ARNT2: variants seen among roughly 807,000 people sequenced by gnomAD.
ARNT2 encodes ARNT protein 2.
In ARNT2, 36 loss-of-function variants were observed where a neutral mutation model predicts 91.7. That is an observed-to-expected ratio of 0.39 (90% CI 0.30 to 0.52). The LOEUF is 0.52. ARNT2 is among the 20% of genes least tolerant of loss of function. ARNT2 has a pLI of 0.72. For missense variants in ARNT2, 775 were observed against 939.3 expected, an observed-to-expected ratio of 0.83 and a Z score of 2.29; for synonymous variants, 365 against 347.1, an observed-to-expected ratio of 1.05 and a Z score of -0.57.
rs190602435 is a variant in ARNT2 at position 80,415,612 on chromosome 15, C to T, written c.31+11066C>T. 9.3e-4 allele frequency among the ~76,000 whole-genome samples: 142 copies of T among 152,222 alleles called. 1 individual carries two copies. The highest frequency in any genetic ancestry group is 8.5e-3 in the South Asian group (41 of 4,820). On this transcript the variant is annotated intron_variant, in intron 1 of 18. Coordinates refer to ENST00000303329, the MANE Select transcript of ARNT2 (RefSeq NM_014862.4). ...AGGGAGGCCTGCCCGGAGGCCATTT[C>T]GGAAGTCCACGTGAGGGACGTGGAG...
chr15:80,540,326 T>A (rs1489882933), intron 8 of ARNT2, among the ~76,000 whole-genome samples: 1 of 152,188 alleles, frequency 6.6e-6, no homozygotes, highest in Non-Finnish European at 1.5e-5. Context: ...TGATTGCGTT[T>A]TTTTGTAAAT....
chr15:80,531,148 A>T (rs573634003), intron 8 of ARNT2, among the ~76,000 whole-genome samples: 1 of 152,284 alleles, frequency 6.6e-6, no homozygotes, highest in Admixed American at 6.5e-5. Context: ...GGAATGCAAA[A>T]ATATGTTTCA....
Position 80,404,764 on chromosome 15 carries a change from C to G in ARNT2, c.31+218C>G, listed in dbSNP as rs1895573512. Among the ~76,000 whole-genome samples, 2 of 151,986 alleles carry G rather than the reference C, an allele frequency of 1.3e-5. No individual in the cohort carries two copies. The highest frequency in any genetic ancestry group is 4.1e-4 in the South Asian group (2 of 4,826). On this transcript the variant is annotated intron_variant, in intron 1 of 18. Transcript: ENST00000303329. This position sits in a 1 kb window ranked among gnomAD's most constrained non-coding sequence, Gnocchi z 5.5. ...ATCCGGTCCCGGGCAGGCGCCGGTC[C>G]GGACCCGCGGGCGGCCGGACGCTGG...
At chr15:80,537,376 C>T (rs1256131258) in intron 8 of ARNT2, among the ~76,000 whole-genome samples, 2 of 152,146 alleles carry the variant, frequency 1.3e-5, no homozygotes, top group African/African-American at 2.4e-5. Flanking sequence ...AGTTATACCC[C>T]CTGCAGTACC....
At chr15:80,523,472 C>G (rs1438428728) in intron 8 of ARNT2, among the ~76,000 whole-genome samples, 2 of 152,150 alleles carry the variant, frequency 1.3e-5, no homozygotes, top group Non-Finnish European at 2.9e-5. Context: ...CTGGAGGAAG[C>G]CCATAATACT....
chr15:80,455,020 AT>A (rs1896461126), intron 2 of ARNT2, among the ~76,000 whole-genome samples: 1 of 152,180 alleles, frequency 6.6e-6, no homozygotes, highest in Non-Finnish European at 1.5e-5. Context: ...TATTATCCAG[AT>A]GCTGCTGTGT....
chr15:80,504,414 C>T (rs551537756), intron 5 of ARNT2, among the ~76,000 whole-genome samples: 5 of 152,228 alleles, frequency 3.3e-5, no homozygotes, highest in East Asian at 1.9e-4. Flanking sequence ...ACATATTGTC[C>T]GGGCTAAATG....
rs563603411 is a variant in ARNT2 at position 80,570,236 on chromosome 15, G to A, written c.1317-3912G>A. Among the ~76,000 whole-genome samples, 3 of 152,202 alleles carry A rather than the reference G, an allele frequency of 2.0e-5. No homozygotes were observed. The South Asian group carries it at 6.2e-4, about 32-fold the overall frequency. The stretch of plus-strand genomic sequence containing the variant: ...ACATCAATTACATTCTAGCCATGTC[G>A]CCCTGGATGCATCATTTACATTCTA... On this transcript the variant is annotated intron_variant, in intron 12 of 18. Coordinates refer to ENST00000303329, the MANE Select transcript of ARNT2 (RefSeq NM_014862.4).
chr15:80,414,897 T>C (rs1595952515), intron 1 of ARNT2, among the ~76,000 whole-genome samples: 2 of 151,184 alleles, frequency 1.3e-5, no homozygotes, highest in Non-Finnish European at 1.5e-5. Context: ...GTGGTGGGGG[T>C]GGGTTGGAAA....
At chr15:80,585,819 C>T (rs951851657) in intron 17 of ARNT2, among the ~76,000 whole-genome samples, 7 of 152,174 alleles carry the variant, frequency 4.6e-5, no homozygotes, top group Non-Finnish European at 1.0e-4. Context: ...CTGCACACTG[C>T]GTTAGACACA....
chr15:80,528,132 T>C (rs1897668701), intron 8 of ARNT2, among the ~76,000 whole-genome samples: 2 of 152,018 alleles, frequency 1.3e-5, no homozygotes, highest in East Asian at 3.9e-4. Flanking sequence ...GGGAGGGGTG[T>C]GGAGAGTTTA....
chr15:80,485,836 A>G (rs1444185222), intron 5 of ARNT2, among the ~76,000 whole-genome samples: 1 of 152,198 alleles, frequency 6.6e-6, no homozygotes. Context: ...GGGGTATTCA[A>G]GGTTAGGAGG....
chr15:80,587,973 G>A (rs1893207830), intron 17 of ARNT2, among the ~76,000 whole-genome samples: 1 of 152,164 alleles, frequency 6.6e-6, no homozygotes, highest in Admixed American at 6.5e-5. Flanking sequence ...ATAGACCGCG[G>A]TCAACCACTA....
intron 8 of ARNT2, 134 bp downstream of exon 8, chr15:80,514,539 T>G: frequency 1.3e-6 from 1 of 757,240 alleles, no homozygotes; most frequent in Non-Finnish European, 2.1e-6. Flanking sequence ...TAGAACACAA[T>G]GATCTTTGTA....
In ARNT2 at chr15:80,508,181, G is replaced by T; in HGVS notation, c.648G>T (p.Gly216=). 2 of 1,614,134 alleles carry T rather than the reference G, an allele frequency of 1.2e-6. No homozygotes were observed. Among genetic ancestry groups the T allele is most frequent in the Non-Finnish European group, 1.7e-6 (2 of 1,180,006 alleles). The change falls in exon 6 of 19, where the codon GGG becomes GGT. Residue 216 remains glycine (G), a synonymous_variant. Transcript: ENST00000303329. The part of the protein sequence containing the change: ...MTGRILDLKT[G]TVKKEGQQSS... ...GCCGGATCTTGGACCTGAAGACTGGGACGGTCAAGAAAGAAGGGCAGCAGT... is the reference window on the plus strand; with the variant it reads ...GCCGGATCTTGGACCTGAAGACTGGTACGGTCAAGAAAGAAGGGCAGCAGT...
intron 1 of ARNT2, among the ~76,000 whole-genome samples, chr15:80,448,853 C>T (rs528621888): frequency 2.0e-5 from 3 of 152,208 alleles, no homozygotes; most frequent in Admixed American, 6.5e-5. Context: ...GGCATGGTGG[C>T]GGGCGCCTGT....
intron 2 of ARNT2, among the ~76,000 whole-genome samples, chr15:80,455,674 T>G (rs1431111735): frequency 6.6e-6 from 1 of 152,084 alleles, no homozygotes; most frequent in East Asian, 1.9e-4. Flanking sequence ...ACTCCTATAC[T>G]GAGAAAATCA....
intron 1 of ARNT2, among the ~76,000 whole-genome samples, chr15:80,420,919 C>T (rs924005658): frequency 1.1e-4 from 17 of 152,120 alleles, no homozygotes; most frequent in South Asian, 8.3e-4. Context: ...TACCCAAAGG[C>T]AAAAGAAGTC....
intron 1 of ARNT2, among the ~76,000 whole-genome samples, chr15:80,407,895 T>C (rs554350550): frequency 6.6e-6 from 1 of 152,348 alleles, no homozygotes; most frequent in Non-Finnish European, 1.5e-5. Flanking sequence ...CTTTTGTAAT[T>C]TAAGCATGAG....
Sources: gnomAD v4.1 joint callset for allele counts (sites outside exome capture counted in the v4.1 genomes callset) on GRCh38, gnomAD v4.1.1 for gene constraint, Gnocchi (gnomAD v3.1) non-coding constraint, MANE v1.5 for transcripts, NCBI Gene and HGNC (gene_info 2026-07-23, HGNC 2026-07-21) for gene names.